CLASP2: variants seen among roughly 807,000 people sequenced by gnomAD.
CLASP2 encodes the protein cytoplasmic linker associated protein 2.
A neutral mutation model predicts 194.4 loss-of-function variants in CLASP2; 47 were observed. The ratio of observed to expected loss-of-function variants is 0.24; its 90% CI spans 0.19 to 0.31. CLASP2 has a LOEUF of 0.31. CLASP2 is among the 10% of genes least tolerant of loss of function. CLASP2 has a pLI of 1.00. For synonymous variants in CLASP2, 619 were observed against 633.5 expected (o/e 0.98, Z 0.34); for missense variants, 1,445 against 1,823.6 (o/e 0.79, Z 3.78).
At chr3:33,573,420 C>T in intron 24 of CLASP2, 66 bp from the exon 25 acceptor site, 1 of 1,500,968 alleles carries the variant, frequency 6.7e-7, no homozygotes, top group Non-Finnish European at 9.2e-7. Flanking sequence ...ATAATTTCTA[C>T]TGACCACAAA....
At chr3:33,706,208 A>G (rs2092675470) in intron 1 of CLASP2, among the ~76,000 whole-genome samples, 1 of 152,208 alleles carries the variant, frequency 6.6e-6, no homozygotes, top group Non-Finnish European at 1.5e-5. Flanking sequence ...TGATGGTGCC[A>G]CCGCACTCTA....
At chr3:33,531,584 T>C (rs986694551) in intron 34 of CLASP2, among the ~76,000 whole-genome samples, 1 of 152,186 alleles carries the variant, frequency 6.6e-6, no homozygotes, top group East Asian at 1.9e-4. Flanking sequence ...GAGACCAGCC[T>C]GACCAACATG....
chr3:33,591,480 G>A (rs919020734), intron 21 of CLASP2, among the ~76,000 whole-genome samples: 7 of 151,322 alleles, frequency 4.6e-5, no homozygotes, highest in African/African-American at 7.3e-5. Context: ...AGGCAGTGGC[G>A]CAAGCCTGTG....
intron 25 of CLASP2, among the ~76,000 whole-genome samples, chr3:33,572,874 G>T (rs549659093): frequency 6.1e-5 from 9 of 146,578 alleles, no homozygotes; most frequent in African/African-American, 2.3e-4. Flanking sequence ...TGAATAAAAA[G>T]TTTCCTTTCA....
intron 32 of CLASP2, among the ~76,000 whole-genome samples, chr3:33,539,334 A>AT (rs1451116918): frequency 1.3e-5 from 2 of 151,866 alleles, no homozygotes; most frequent in Non-Finnish European, 2.9e-5. Flanking sequence ...CCATAAATAA[A>AT]TTTTTTCTTT....
At chr3:33,656,257 T>C (rs1452078913) in intron 7 of CLASP2, among the ~76,000 whole-genome samples, 3 of 152,234 alleles carry the variant, frequency 2.0e-5, no homozygotes, top group Admixed American at 2.0e-4. Flanking sequence ...ACATAACATA[T>C]TCAATAGATA....
At chr3:33,566,129 A>C (rs1350982280) in intron 27 of CLASP2, among the ~76,000 whole-genome samples, 1 of 152,230 alleles carries the variant, frequency 6.6e-6, no homozygotes, top group Non-Finnish European at 1.5e-5. Context: ...GGTTCTTGTC[A>C]GATGTTAATA....
rs577563391 is a variant in CLASP2, at chr3:33,499,846, C to T, written c.4435-1129G>A. Among the ~76,000 whole-genome samples, 32 of 152,092 alleles carry T rather than the reference C, an allele frequency of 2.1e-4. 1 individual carries two copies. The highest frequency in any genetic ancestry group is 7.5e-4 in the African/African-American group (31 of 41,484). On this transcript the variant is annotated intron_variant, in intron 38 of 38. Transcript: ENST00000682230. ...GAATGGTTAAGTTACTGCCTGAGGT[C>T]ACAGGGGTGGGTAAGAAGTGGGCAA...
chr3:33,512,989 T>TA (rs2050351374), intron 36 of CLASP2, among the ~76,000 whole-genome samples: 1 of 151,704 alleles, frequency 6.6e-6, no homozygotes, highest in Non-Finnish European at 1.5e-5. Flanking sequence ...AGACTCCGTC[T>TA]AAAAACCAAC....
intron 26 of CLASP2, among the ~76,000 whole-genome samples, 192 bp from the exon 27 acceptor site, chr3:33,566,926 T>C (rs1275562206): frequency 1.3e-5 from 2 of 152,216 alleles, no homozygotes; most frequent in African/African-American, 2.4e-5. Flanking sequence ...CTTAAATGAA[T>C]AGTATGGGAG....
At chr3:33,654,174 A>G (rs1036259438) in intron 7 of CLASP2, among the ~76,000 whole-genome samples, 1 of 152,332 alleles carries the variant, frequency 6.6e-6, no homozygotes, top group African/African-American at 2.4e-5. Flanking sequence ...ACTATTTCTA[A>G]GCCAGAAAGT....
At chr3:33,654,124 A>G (rs775070690) in intron 7 of CLASP2, among the ~76,000 whole-genome samples, 6 of 152,184 alleles carry the variant, frequency 3.9e-5, no homozygotes, top group Admixed American at 1.3e-4. Context: ...AAGCTAAAAC[A>G]GCAGAGAATT....
chr3:33,638,180 A>C (rs1197309038), intron 8 of CLASP2, among the ~76,000 whole-genome samples: 4 of 152,242 alleles, frequency 2.6e-5, no homozygotes, highest in Non-Finnish European at 5.9e-5. Context: ...AAGGGTACAT[A>C]TCAAACTTAA....
intron 38 of CLASP2, among the ~76,000 whole-genome samples, chr3:33,500,659 G>A (rs2046636792): frequency 6.6e-6 from 1 of 152,024 alleles, no homozygotes; most frequent in South Asian, 2.1e-4. Flanking sequence ...TATAACCCGA[G>A]TTAAGAATTA....
intron 7 of CLASP2, among the ~76,000 whole-genome samples, chr3:33,652,040 A>C (rs1054508730): frequency 6.6e-6 from 1 of 152,136 alleles, no homozygotes; most frequent in Non-Finnish European, 1.5e-5. Flanking sequence ...ACCATTTTAC[A>C]TGGCAAATAA....
At chr3:33,611,916 GA>G in intron 13 of CLASP2, 84 bp downstream of exon 13, 1 of 931,874 alleles carries the variant, frequency 1.1e-6, no homozygotes, top group Non-Finnish European at 1.6e-6. Flanking sequence ...AGAAATGAAT[GA>G]CCAATTCTTG....
intron 29 of CLASP2, chr3:33,554,566 T>C (rs1576362974): frequency 6.6e-6 from 1 of 152,374 alleles, no homozygotes; most frequent in East Asian, 1.9e-4. Context: ...GTTTAAGAGA[T>C]TTGATTTCTC....
chr3:33,656,413 T>A lies in CLASP2; in HGVS notation c.715+7032A>T, dbSNP rs78521587. Among the ~76,000 whole-genome samples, 678 of 152,324 alleles carry A rather than the reference T, an allele frequency of 4.5e-3. 31 individuals are homozygous for A. In the East Asian group the frequency reaches 0.11, roughly 25 times the overall value. On this transcript the variant is annotated intron_variant, in intron 7 of 38. Transcript: ENST00000682230. ...CCAAACACATGAAGGTGATCAATCT[T>A]ATCAGAAAGCATAGATGTTTATAAA... is the stretch of plus-strand genomic sequence containing the variant.
intron 7 of CLASP2, among the ~76,000 whole-genome samples, chr3:33,661,063 T>C (rs2085236284): frequency 6.6e-6 from 1 of 152,202 alleles, no homozygotes; most frequent in African/African-American, 2.4e-5. Flanking sequence ...TCAAGTATCA[T>C]GGGCTGGGAT....
Sources: gnomAD v4.1 joint callset for allele counts (sites outside exome capture counted in the v4.1 genomes callset) on GRCh38, gnomAD v4.1.1 for gene constraint, MANE v1.5 for transcripts, NCBI Gene and HGNC (gene_info 2026-07-23, HGNC 2026-07-21) for gene names.